The following DENND1B variants were observed in gnomAD, a reference collection of about 807,000 sequenced individuals.
The protein encoded by DENND1B is DENN domain containing 1B.
A neutral mutation model predicts 90.1 loss-of-function variants in DENND1B; 59 were observed. That is an observed-to-expected ratio of 0.65 (90% CI 0.53 to 0.81). The LOEUF (loss-of-function observed/expected upper bound fraction) is 0.81, where lower values mean the gene tolerates loss of function less well. Among genes scored for constraint, DENND1B ranks in the 40% least tolerant of loss-of-function variants. The pLI is 0.00. For missense variants in DENND1B, 862 were observed against 912.6 expected (o/e 0.94, Z 0.71); for synonymous variants, 337 against 324.6 (o/e 1.04, Z -0.41).
intron 2 of DENND1B, among the ~76,000 whole-genome samples, chr1:197,755,489 T>C (rs1369506538): frequency 6.6e-6 from 1 of 151,854 alleles, no homozygotes; most frequent in Non-Finnish European, 1.5e-5. Flanking sequence ...ATCGGACTTT[T>C]AAAAATGGGA....
At chr1:197,680,455 T>C (rs1241097025) in intron 3 of DENND1B, among the ~76,000 whole-genome samples, 1 of 152,132 alleles carries the variant, frequency 6.6e-6, no homozygotes, top group Non-Finnish European at 1.5e-5. Flanking sequence ...TTAAGATAAG[T>C]AGGAAAATGC....
At chr1:197,772,967 C>T in intron 1 of DENND1B, 35 bp from the exon 2 acceptor site, 3 of 1,473,196 alleles carry the variant, frequency 2.0e-6, no homozygotes, top group Non-Finnish European at 2.8e-6. Flanking sequence ...TTTCCTATGA[C>T]AAATAAACAT....
At chr1:197,739,824 T>C (rs891961545) in intron 2 of DENND1B, among the ~76,000 whole-genome samples, 2 of 152,112 alleles carry the variant, frequency 1.3e-5, no homozygotes, top group African/African-American at 4.8e-5. Context: ...GATATACAGA[T>C]GGAAAATAAG....
At chr1:197,715,004 T>C (rs1247708980) in intron 3 of DENND1B, 27 bp downstream of exon 3, 6 of 1,581,964 alleles carry the variant, frequency 3.8e-6, no homozygotes, top group Non-Finnish European at 5.2e-6. Context: ...CAACTTTAAA[T>C]TTTTTAAAAA....
chr1:197,583,793 G>A (rs1347973757), intron 14 of DENND1B, among the ~76,000 whole-genome samples: 2 of 152,068 alleles, frequency 1.3e-5, no homozygotes, highest in Non-Finnish European at 2.9e-5. Context: ...AATCCTTTGC[G>A]TTAAGTAATC....
chr1:197,713,842 T>TATATAATATATTATCTATAATATATTAC (rs1660289347), intron 3 of DENND1B, among the ~76,000 whole-genome samples: 3 of 39,986 alleles, frequency 7.5e-5, no homozygotes, highest in Non-Finnish European at 1.5e-4. Context: ...TAATATATTA[T>TATATAATATATTATCTATAATATATTAC]ATTATATTAT....
At chr1:197,624,781 C>T (rs554064017) in intron 10 of DENND1B, among the ~76,000 whole-genome samples, 22 of 151,630 alleles carry the variant, frequency 1.5e-4, no homozygotes, top group African/African-American at 5.1e-4. Context: ...AAATTTTAGA[C>T]GAATGTATAA....
At chr1:197,637,907 T>C (rs1679936388) in intron 10 of DENND1B, among the ~76,000 whole-genome samples, 1 of 152,174 alleles carries the variant, frequency 6.6e-6, no homozygotes, top group Admixed American at 6.5e-5. Flanking sequence ...TCTCACCAAA[T>C]GTTCAATTCC....
At chr1:197,659,177 T>A (rs1558368242) in intron 5 of DENND1B, among the ~76,000 whole-genome samples, 1 of 151,512 alleles carries the variant, frequency 6.6e-6, no homozygotes, top group Non-Finnish European at 1.5e-5. Flanking sequence ...TACAACATGC[T>A]ACTTTTAAGA....
At chr1:197,549,984 T>A (rs1294867660) in intron 16 of DENND1B, among the ~76,000 whole-genome samples, 1 of 152,156 alleles carries the variant, frequency 6.6e-6, no homozygotes. Context: ...TAAACCTCCA[T>A]CATATTCATA....
chr1:197,559,355 C>T (rs1385524070), intron 15 of DENND1B, among the ~76,000 whole-genome samples: 4 of 151,942 alleles, frequency 2.6e-5, no homozygotes, highest in South Asian at 2.1e-4. Context: ...AATTCTCTGC[C>T]GAGCTGAGGA....
intron 6 of DENND1B, among the ~76,000 whole-genome samples, chr1:197,656,117 A>G (rs1653796025): frequency 6.6e-6 from 1 of 152,058 alleles, no homozygotes. Flanking sequence ...CAGTTTTCAG[A>G]AAGTTCATCT....
intron 3 of DENND1B, among the ~76,000 whole-genome samples, chr1:197,681,504 A>T (rs1656688149): frequency 6.6e-6 from 1 of 152,306 alleles, no homozygotes; most frequent in South Asian, 2.1e-4. Flanking sequence ...AAGATTAATC[A>T]CCAACTCTAC....
chr1:197,616,677 A>G (rs1677678332), intron 11 of DENND1B, among the ~76,000 whole-genome samples: 1 of 151,182 alleles, frequency 6.6e-6, no homozygotes, highest in East Asian at 1.9e-4. Flanking sequence ...TATGAACTTA[A>G]ATCATTTTTA....
At position 197,642,793 on chromosome 1, in the gene DENND1B, A is replaced by G; in HGVS notation, c.590T>C (p.Val197Ala). ...SRNLTEYFVA[V>A]DVNNMLQLYA... ...CAGCTGCAGCATGTTGTTCACATCC[A>G]CGGCAACAAAATATTCTGTAAGATT... is the stretch of plus-strand genomic sequence containing the variant. Residue 197 changes from valine (V) to alanine (A), a missense_variant, in exon 10 of 23, where the codon GTG becomes GCG. Physicochemically the swap from Val to Ala is moderately conservative, Grantham distance 64. Transcript: ENST00000620048. 6.2e-7 allele frequency: 1 copy of G among 1,613,398 alleles called. No homozygotes were observed. Among genetic ancestry groups the G allele is most frequent in the Admixed American group, 1.7e-5 (1 of 59,952 alleles).
chr1:197,544,809 A>AGG (rs1670610131), intron 18 of DENND1B, among the ~76,000 whole-genome samples: 2 of 148,886 alleles, frequency 1.3e-5, no homozygotes. Flanking sequence ...GAAGAAGAAG[A>AGG]AGAGGAAGAG....
At chr1:197,512,576 A>G (rs1160971587) in intron 21 of DENND1B, among the ~76,000 whole-genome samples, 3 of 151,628 alleles carry the variant, frequency 2.0e-5, no homozygotes, top group Non-Finnish European at 4.4e-5. Context: ...TCCTCTCTTC[A>G]GAATGAGTAA....
intron 16 of DENND1B, chr1:197,552,681 A>G: frequency 1.9e-6 from 2 of 1,051,512 alleles, no homozygotes; most frequent in Non-Finnish European, 2.3e-6. Flanking sequence ...AGTAATAACC[A>G]TCACTAGTAG....
At chr1:197,680,389 T>C (rs1656562107) in intron 3 of DENND1B, among the ~76,000 whole-genome samples, 1 of 152,208 alleles carries the variant, frequency 6.6e-6, no homozygotes, top group African/African-American at 2.4e-5. Flanking sequence ...CATTTCTAGA[T>C]ACTAATGTAT....
Sources: allele counts gnomAD v4.1 joint callset (sites outside exome capture counted in the v4.1 genomes callset), GRCh38; gene constraint gnomAD v4.1.1; transcripts MANE v1.5; gene names NCBI Gene and HGNC (gene_info 2026-07-23, HGNC 2026-07-21).